TOPAZ1: variants seen among roughly 807,000 people sequenced by gnomAD.
The protein encoded by TOPAZ1 is protein TOPAZ1.
Under a neutral mutation model 172.2 loss-of-function variants are expected in TOPAZ1, and 66 were observed. The ratio of observed to expected loss-of-function variants is 0.38; its 90% CI spans 0.31 to 0.47. The LOEUF (loss-of-function observed/expected upper bound fraction) is 0.47. Ranked by LOEUF, TOPAZ1 falls within the 20% of genes least tolerant of loss-of-function variation. The probability of loss-of-function intolerance (pLI) is 0.99; values close to 1 mark genes in which losing one functional copy is unlikely to be tolerated. For synonymous variants in TOPAZ1, 681 were observed against 683.9 expected (o/e 1.00, Z 0.07); for missense variants, 1,822 against 1,972.4 (o/e 0.92, Z 1.44).
intron 15 of TOPAZ1, among the ~76,000 whole-genome samples, chr3:44,308,667 G>T (rs998640498): frequency 6.6e-6 from 1 of 151,782 alleles, no homozygotes; most frequent in Non-Finnish European, 1.5e-5. Flanking sequence ...AAATTTTAGA[G>T]TATATTTTAA....
At chr3:44,304,392 G>T (rs1201509766) in intron 13 of TOPAZ1, among the ~76,000 whole-genome samples, 1 of 152,184 alleles carries the variant, frequency 6.6e-6, no homozygotes, top group Non-Finnish European at 1.5e-5. Flanking sequence ...GACTCGCTCA[G>T]TGCATAAGAA....
At chr3:44,335,320 G>GT (rs1183516638), downstream of TOPAZ1, among the ~76,000 whole-genome samples, 4 of 151,668 alleles carry the variant, frequency 2.6e-5, no homozygotes, top group South Asian at 4.2e-4. Flanking sequence ...TAGGTCTAAA[G>GT]TTTTTTTTTA....
chr3:44,251,118 C>T (rs1699624936), intron 2 of TOPAZ1, among the ~76,000 whole-genome samples: 1 of 151,926 alleles, frequency 6.6e-6, no homozygotes, highest in African/African-American at 2.4e-5. Context: ...ATTTTTTTCT[C>T]TCTTTTTTTT....
rs1271070092 is a variant in TOPAZ1, at chr3:44,243,561, A to G, written c.1055A>G (p.Glu352Gly). ...GTTACTGAGATGAACTTCTCTAATG[A>G]GTATAACAAGTCTGAGTTGATGTTG... Reference protein sequence around the residue: ...ETVTEMNFSNEYNKSELMLQE... With the variant: ...ETVTEMNFSNGYNKSELMLQE... The change falls in exon 2 of 20, where the codon GAG becomes GGG. Residue 352 changes from glutamate (E) to glycine (G), a missense_variant. Physicochemically the swap from Glu to Gly is moderately conservative, Grantham distance 98. Coordinates refer to ENST00000309765, the MANE Select transcript of TOPAZ1 (RefSeq NM_001145030.2). The G allele has an allele frequency of 6.4e-7, 1 of 1,551,254 alleles. No homozygotes were observed. Among genetic ancestry groups the G allele is most frequent in the Non-Finnish European group, 8.7e-7 (1 of 1,146,964 alleles).
At chr3:44,312,390 A>C (rs1404175847) in intron 16 of TOPAZ1, among the ~76,000 whole-genome samples, 1 of 152,220 alleles carries the variant, frequency 6.6e-6, no homozygotes, top group Non-Finnish European at 1.5e-5. Flanking sequence ...CTGCCTCTGG[A>C]AGGAGAAATT....
At position 44,242,993 on chromosome 3, in the gene TOPAZ1, AT is replaced by A; in HGVS notation, c.488del (p.Ile163LysfsTer16). 1.3e-6 allele frequency: 2 copies of A among 1,549,178 alleles called. No individual in the cohort carries two copies. Among genetic ancestry groups the A allele is most frequent in the Non-Finnish European group, 1.7e-6 (2 of 1,146,414 alleles). ...GCAGTCTTTGGGTAAGGAAAGTATA[AT>A]AGAAGGTATTAAAAGAAGAATTCGA... is the stretch of plus-strand genomic sequence containing the variant. ...CLQSLGKESIIEGIKRRIRNK... is the reference protein window; with the variant it reads ...CLQSLGKESIXEGIKRRIRNK... On this transcript the variant is annotated frameshift_variant, in exon 2 of 20. Transcript: ENST00000309765. LOFTEE classifies it high-confidence loss of function.
In TOPAZ1 at chr3:44,309,828, A is replaced by G. The variant is rs1700378623; in HGVS notation, c.4144A>G (p.Arg1382Gly). 1 of 1,501,210 alleles carries G rather than the reference A, an allele frequency of 6.7e-7. No individual in the cohort carries two copies. Among genetic ancestry groups the G allele is most frequent in the Non-Finnish European group, 8.9e-7 (1 of 1,117,350 alleles). 93.0% of individuals were successfully genotyped at this position (1,501,210 alleles called of 1,614,324 possible). Reference sequence around the variant, plus strand: ...GTGTTCTTTATTTTTATTCTAGGGAAGGAAGGTCTTAGAGAAACTATATGA... The same window carrying G: ...GTGTTCTTTATTTTTATTCTAGGGAGGGAAGGTCTTAGAGAAACTATATGA... ...YHKLLQWSKG[R>G]KVLEKLYELK... Residue 1382 changes from arginine (R) to glycine (G), a missense_variant, in exon 16 of 20, where the codon AGG becomes GGG. Transcript: ENST00000309765.
intron 12 of TOPAZ1, among the ~76,000 whole-genome samples, chr3:44,301,071 C>T (rs1368664881): frequency 6.6e-6 from 1 of 152,002 alleles, no homozygotes; most frequent in Non-Finnish European, 1.5e-5. Context: ...GTAATATTCC[C>T]GAGATAACAA....
intron 4 of TOPAZ1, among the ~76,000 whole-genome samples, chr3:44,256,802 A>G (rs1483319928): frequency 1.3e-5 from 2 of 152,118 alleles, no homozygotes; most frequent in Admixed American, 6.6e-5. Flanking sequence ...TGGCCCCCAA[A>G]TTTGGGAATT....
intron 12 of TOPAZ1, among the ~76,000 whole-genome samples, chr3:44,299,943 G>A (rs1195776622): frequency 9.1e-6 from 1 of 110,044 alleles, no homozygotes; most frequent in Non-Finnish European, 1.9e-5. Flanking sequence ...CACACTCTGG[G>A]GACTGTTGTG....
chr3:44,262,975 C>T (rs1317063697), intron 5 of TOPAZ1, among the ~76,000 whole-genome samples: 1 of 152,144 alleles, frequency 6.6e-6, no homozygotes, highest in East Asian at 1.9e-4. Context: ...GTGATGGATG[C>T]ATTTGAGGCT....
At position 44,255,002 on chromosome 3, in the gene TOPAZ1, C is replaced by A; in HGVS notation, c.2800C>A (p.Pro934Thr). Reference protein sequence around the residue: ...LPVLDCGWIKPDICASNSAES... With the variant: ...LPVLDCGWIKTDICASNSAES... The stretch of plus-strand genomic sequence containing the variant: ...TGTACTGGACTGTGGATGGATAAAG[C>A]CAGACATCTGTGCTTCCAACTCAGC... Residue 934 changes from proline (P) to threonine (T), a missense_variant, in exon 3 of 20, where the codon CCA (proline) becomes ACA (threonine). Coordinates refer to ENST00000309765, the MANE Select transcript of TOPAZ1 (RefSeq NM_001145030.2). 6.4e-7 allele frequency: 1 copy of A among 1,551,306 alleles called. No homozygotes were observed. The highest frequency in any genetic ancestry group is 1.2e-5 in the South Asian group (1 of 83,984).
At chr3:44,335,653 G>C (rs1333943837), downstream of TOPAZ1, among the ~76,000 whole-genome samples, 4 of 152,126 alleles carry the variant, frequency 2.6e-5, no homozygotes, top group East Asian at 3.9e-4. Context: ...AGGGCACTTA[G>C]AGGGCCCCTC....
chr3:44,293,037 G>A (rs536495720), intron 12 of TOPAZ1, among the ~76,000 whole-genome samples: 1 of 152,168 alleles, frequency 6.6e-6, no homozygotes, highest in African/African-American at 2.4e-5. Context: ...ATATACCATG[G>A]TGATCCCATA....
In TOPAZ1 at chr3:44,243,249, C is replaced by T. The variant is rs267599830; in HGVS notation, c.743C>T (p.Pro248Leu). Reference protein sequence around the residue: ...CNDENNLPYKPDGGCMHVAEN... With the variant: ...CNDENNLPYKLDGGCMHVAEN... Reference sequence around the variant, plus strand: ...GATGAAAACAACCTGCCATATAAACCTGATGGTGGATGTATGCATGTAGCA... The same window carrying T: ...GATGAAAACAACCTGCCATATAAACTTGATGGTGGATGTATGCATGTAGCA... Residue 248 changes from proline (P) to leucine (L), a missense_variant, in exon 2 of 20, where the codon CCT becomes CTT. This residue lies in a region of TOPAZ1 where 1,489 missense variants were observed against 1,490.8 expected (regional missense o/e 1.00). Coordinates refer to ENST00000309765, the MANE Select transcript of TOPAZ1 (RefSeq NM_001145030.2). 8 of 1,551,212 alleles carry T rather than the reference C, an allele frequency of 5.2e-6. No homozygotes were observed. In the South Asian group the frequency reaches 9.5e-5, roughly 18 times the overall value.
chr3:44,320,908 G>A (rs1700500204), intron 16 of TOPAZ1, 119 bp from the exon 17 acceptor site: 1 of 628,538 alleles, frequency 1.6e-6, no homozygotes, highest in Admixed American at 3.6e-5. Context: ...TCTTCTCTGA[G>A]TACATATGTT....
intron 3 of TOPAZ1, among the ~76,000 whole-genome samples, chr3:44,255,670 T>TATACACACAC (rs1202865847): frequency 2.2e-5 from 1 of 46,364 alleles, no homozygotes; most frequent in African/African-American, 7.1e-5. Flanking sequence ...AAAATATATA[T>TATACACACAC]ACACACACAC....
chr3:44,269,469 A>ACCTTTTTTTTT (rs1559531942), intron 7 of TOPAZ1, among the ~76,000 whole-genome samples, 168 bp downstream of exon 7: 1 of 32,886 alleles, frequency 3.0e-5, no homozygotes, highest in African/African-American at 1.8e-4. Context: ...TTTCCCTATC[A>ACCTTTTTTTTT]TCTTTTTTTT....
intron 1 of TOPAZ1, 54 bp downstream of exon 1, chr3:44,242,453 C>T: frequency 1.3e-6 from 2 of 1,519,916 alleles, no homozygotes; most frequent in Non-Finnish European, 1.8e-6. Context: ...CAGCGTGCTC[C>T]ATCTTTGTTT....
Sources: allele counts gnomAD v4.1 joint callset (sites outside exome capture counted in the v4.1 genomes callset), GRCh38; gene constraint gnomAD v4.1.1; regional missense constraint gnomAD v4.1.1; transcripts MANE v1.5; gene names NCBI Gene and HGNC (gene_info 2026-07-23, HGNC 2026-07-21).